Variants in FSIP2 observed in about 807,000 individuals in gnomAD.
FSIP2 encodes the protein fibrous sheath-interacting protein 2.
Under a neutral mutation model 510.5 loss-of-function variants are expected in FSIP2, and 367 were observed. The observed-to-expected ratio is 0.72, with a 90% CI of 0.66 to 0.78. The LOEUF (loss-of-function observed/expected upper bound fraction) is 0.78, where lower values mean the gene tolerates loss of function less well. FSIP2 is among the 30% of genes least tolerant of loss of function. The pLI, the probability that FSIP2 is intolerant of heterozygous loss-of-function variation, is 0.00. For synonymous variants in FSIP2, 2,601 were observed against 2,732.2 expected, an observed-to-expected ratio of 0.95 and a Z score of 1.50; for missense variants, 7,594 against 7,901.7, an observed-to-expected ratio of 0.96 and a Z score of 1.48.
At chr2:185,814,362 T>G (rs1051628116) in intron 18 of FSIP2, among the ~76,000 whole-genome samples, 3 of 152,050 alleles carry the variant, frequency 2.0e-5, no homozygotes, top group African/African-American at 7.2e-5. Flanking sequence ...AAACACTCAT[T>G]GAACATTTTG....
At position 185,764,537 on chromosome 2, in the gene FSIP2, C is replaced by G; in HGVS notation, c.1383C>G (p.Thr461=). Residue 461 remains threonine (T), a synonymous_variant, in exon 13 of 23, where the codon ACC becomes ACG. Transcript: ENST00000424728. The part of the protein sequence containing the change: ...ETNADWDGRP[T]KRSSYLCESG... Reference sequence around the variant, plus strand: ...ATGCTGATTGGGATGGAAGACCAACCAAGAGATCAAGCTATCTCTGCGAAT... The same window carrying G: ...ATGCTGATTGGGATGGAAGACCAACGAAGAGATCAAGCTATCTCTGCGAAT... The G allele has an allele frequency of 3.9e-6, 6 of 1,530,248 alleles. No homozygotes were observed. The highest frequency in any genetic ancestry group is 5.3e-6 in the Non-Finnish European group (6 of 1,142,724). 94.8% of individuals were successfully genotyped at this position (1,530,248 alleles called of 1,614,324 possible). A position where few individuals can be genotyped will look rare whatever the true frequency, so the allele number is the denominator to read the frequency against.
intron 13 of FSIP2, among the ~76,000 whole-genome samples, chr2:185,780,384 C>T (rs1298856998): frequency 1.3e-5 from 2 of 151,630 alleles, no homozygotes; most frequent in South Asian, 4.2e-4. Context: ...CAAATATGTT[C>T]TCTAGTTCGC....
chr2:185,761,062 G>C lies in FSIP2; in HGVS notation c.1153G>C (p.Val385Leu), dbSNP rs1272995111. The part of the protein sequence containing the change: ...NFTKKNSASV[V>L]YQADVQDNGI... ...TACGAAAAAAAACTCAGCTTCTGTT[G>C]TTTATCAGGCAGATGTACAGGATAA... is the stretch of plus-strand genomic sequence containing the variant. Residue 385 changes from valine (V) to leucine (L), a missense_variant, in exon 10 of 23, where the codon GTT becomes CTT. Physicochemically the swap from Val to Leu is conservative, Grantham distance 32. Transcript: ENST00000424728. The C allele has an allele frequency of 2.0e-6, 3 of 1,492,376 alleles. No individual in the cohort carries two copies. The highest frequency in any genetic ancestry group is 4.0e-5 in the Admixed American group (2 of 49,980). 92.4% of individuals were successfully genotyped at this position (1,492,376 alleles called of 1,614,324 possible).
In FSIP2 at chr2:185,804,231, T is replaced by C. The variant is rs976411605; in HGVS notation, c.14925T>C (p.Asp4975=). ...SHNMLVTENP[D]RVKLKLTRIV... is the part of the protein sequence containing the mutation. ...ACATGTTGGTTACTGAAAATCCAGA[T>C]AGAGTGAAACTGAAACTTACCAGGA... is the stretch of plus-strand genomic sequence containing the variant. The change falls in exon 17 of 23, where the codon GAT becomes GAC. Residue 4975 remains aspartate (D), a synonymous_variant. Coordinates refer to ENST00000424728, the MANE Select transcript of FSIP2 (RefSeq NM_173651.4). 2.2e-5 allele frequency: 34 copies of C among 1,526,340 alleles called. No homozygotes were observed. The highest frequency in any genetic ancestry group is 2.6e-5 in the Non-Finnish European group (30 of 1,142,554). 94.5% of individuals were successfully genotyped at this position (1,526,340 alleles called of 1,614,324 possible). A position where few individuals can be genotyped will look rare whatever the true frequency, so the allele number is the denominator to read the frequency against.
chr2:185,744,268 A>C, intron 3 of FSIP2, 54 bp from the exon 4 acceptor site: 2 of 335,890 alleles, frequency 6.0e-6, no homozygotes, highest in Non-Finnish European at 5.1e-6. Context: ...TTTATATAAT[A>C]TTAACATATC....
chr2:185,813,367 T>G (rs1693772991), intron 17 of FSIP2, among the ~76,000 whole-genome samples, 178 bp from the exon 18 acceptor site: 1 of 152,012 alleles, frequency 6.6e-6, no homozygotes, highest in Non-Finnish European at 1.5e-5. Flanking sequence ...CCAACAAATT[T>G]TTTTTGTTAT....
chr2:185,743,078 ATTAT>A, intron 2 of FSIP2, 51 bp from the exon 3 acceptor site: 2 of 1,106,238 alleles, frequency 1.8e-6, no homozygotes, highest in East Asian at 5.9e-5. Context: ...ATTTTGATAG[ATTAT>A]TTAAAGTGAA....
rs748578763 is a variant in FSIP2 at position 185,807,288 on chromosome 2, C to T, written c.17982C>T (p.Ala5994=). The T allele has an allele frequency of 1.9e-6, 3 of 1,612,678 alleles. No homozygotes were observed. The highest frequency in any genetic ancestry group is 2.5e-6 in the Non-Finnish European group (3 of 1,179,176). ...AGGTCCAAAAGTTGGCCCAAACAGC[C>T]AGCAAAGAATGTCAAACTTCATCAC... The part of the protein sequence containing the change: ...VKKVQKLAQT[A]SKECQTSSPY... The change falls in exon 17 of 23, where the codon GCC becomes GCT. Residue 5994 remains alanine, a synonymous_variant. Coordinates refer to ENST00000424728, the MANE Select transcript of FSIP2 (RefSeq NM_173651.4).
chr2:185,821,009 T>A (rs1693906214), intron 19 of FSIP2, among the ~76,000 whole-genome samples: 1 of 74,962 alleles, frequency 1.3e-5, no homozygotes, highest in Admixed American at 1.6e-4. Flanking sequence ...GTTGGTTCGT[T>A]AAAAAAAAAA....
At chr2:185,828,030 CT>C in intron 20 of FSIP2, 125 bp from the exon 21 acceptor site, 1 of 579,166 alleles carries the variant, frequency 1.7e-6, no homozygotes, top group South Asian at 2.4e-5. Flanking sequence ...AAAATAACAA[CT>C]TCTTCGACCT....
At position 185,746,794 on chromosome 2, in the gene FSIP2, G is replaced by T. The variant is rs552474258; in HGVS notation, c.743G>T (p.Arg248Leu). The T allele has an allele frequency of 8.4e-4, 1,280 of 1,515,356 alleles. 1 individual carries two copies. The highest frequency in any genetic ancestry group is 1.0e-3 in the Non-Finnish European group (1,186 of 1,139,790). 93.9% of individuals were successfully genotyped at this position (1,515,356 alleles called of 1,614,324 possible). ...REHTRRKLTL[R>L]RKIEEEWKTK... ...CACACAAGAAGAAAACTTACTCTTC[G>T]TAGAAAAATAGAAGAGGTGAGAGAC... Residue 248 changes from arginine to leucine, a missense_variant, in exon 6 of 23, where the codon CGT becomes CTT. By Grantham distance (102) the Arg-to-Leu change is moderately radical. Coordinates refer to ENST00000424728, the MANE Select transcript of FSIP2 (RefSeq NM_173651.4).
In FSIP2 at chr2:185,782,763, G is replaced by A; in HGVS notation, c.1469+1G>A. 2 of 1,420,078 alleles carry A rather than the reference G, an allele frequency of 1.4e-6. No individual in the cohort carries two copies. Among genetic ancestry groups the A allele is most frequent in the Non-Finnish European group, 9.6e-7 (1 of 1,041,284 alleles). The allele number at this position is 1,420,078 out of a possible 1,614,324, so 88.0% of individuals were successfully genotyped here. ...TTTCTTCTCCTGTTTACACAAATAT[G>A]TAAGTACCTAAGGAATTATATATAA... On this transcript the variant is annotated splice_donor_variant, in intron 14 of 22. Coordinates refer to ENST00000424728, the MANE Select transcript of FSIP2 (RefSeq NM_173651.4). LOFTEE classifies it high-confidence loss of function.
In FSIP2 at chr2:185,812,655, C is replaced by T. The variant is rs146052783; in HGVS notation, c.19828-890C>T. On this transcript the variant is annotated intron_variant, in intron 17 of 22. Coordinates refer to ENST00000424728, the MANE Select transcript of FSIP2 (RefSeq NM_173651.4). ...CACACTAGACATATGCATACTAAAA[C>T]CACTGGTAGTAACATATCCCAAAAT... Among the ~76,000 whole-genome samples the T allele has an allele frequency of 5.8e-3, 880 of 152,158 alleles. 4 individuals carry two copies. The highest frequency in any genetic ancestry group is 8.9e-3 in the Non-Finnish European group (606 of 67,970).
At position 185,764,559 on chromosome 2, in the gene FSIP2, G is replaced by A. The variant is rs911042698; in HGVS notation, c.1405G>A (p.Glu469Lys). ...RPTKRSSYLC[E>K]SGPQAHATDP... ...AACCAAGAGATCAAGCTATCTCTGC[G>A]AATCAGGTAAATATCAGCAGTAATT... is the stretch of plus-strand genomic sequence containing the variant. The change falls in exon 13 of 23, where the codon GAA (glutamate) becomes AAA (lysine). Residue 469 changes from glutamate (E) to lysine (K), a missense_variant. Physicochemically the swap from Glu to Lys is moderately conservative, Grantham distance 56. Coordinates refer to ENST00000424728, the MANE Select transcript of FSIP2 (RefSeq NM_173651.4). The A allele has an allele frequency of 2.4e-5, 37 of 1,520,604 alleles. No homozygotes were observed. In the Admixed American group the frequency reaches 2.8e-4, roughly 11 times the overall value. 94.2% of individuals were successfully genotyped at this position (1,520,604 alleles called of 1,614,324 possible). A position where few individuals can be genotyped will look rare whatever the true frequency, so the allele number is the denominator to read the frequency against.
At chr2:185,782,059 A>C (rs1208166143) in intron 13 of FSIP2, among the ~76,000 whole-genome samples, 1 of 152,156 alleles carries the variant, frequency 6.6e-6, no homozygotes, top group Non-Finnish European at 1.5e-5. Flanking sequence ...GATGGTCTCG[A>C]TCTCCTGACC....
rs16827127 is a variant in FSIP2 at position 185,789,748 on chromosome 2, A to C, written c.2612A>C (p.Asn871Thr). ...ATGTTCCTTCAAAGAGCTGGCAAAA[A>C]TAAATCTAGTCTTGAATCTGATGAA... ...ICMFLQRAGK[N>T]KSSLESDEAS... Residue 871 changes from asparagine to threonine, a missense_variant, in exon 16 of 23, where the codon AAT (asparagine) becomes ACT (threonine). Physicochemically the swap from Asn to Thr is moderately conservative, Grantham distance 65 (BLOSUM62 0). Transcript: ENST00000424728. 6.5e-7 allele frequency: 1 copy of C among 1,534,420 alleles called. No homozygotes were observed. Among genetic ancestry groups the C allele is most frequent in the Admixed American group, 2.0e-5 (1 of 50,848 alleles).
chr2:185,745,322 C>A, intron 4 of FSIP2, 107 bp from the exon 5 acceptor site: 1 of 625,214 alleles, frequency 1.6e-6, no homozygotes, highest in Non-Finnish European at 2.4e-6. Flanking sequence ...GATGTAAATG[C>A]AATTAAACAG....
chr2:185,792,184 TCA>T lies in FSIP2; in HGVS notation c.5049_5050del (p.Lys1684ValfsTer12). On this transcript the variant is annotated frameshift_variant, in exon 16 of 23. Transcript: ENST00000424728. LOFTEE classifies it high-confidence loss of function. ...GAGACTCAAATACTTAAGTATGTAG[TCA>T]AGTTAATTTTAGATGCAGTATCTTC... 1 of 1,531,848 alleles carries T rather than the reference TCA, an allele frequency of 6.5e-7. No individual in the cohort carries two copies. The highest frequency in any genetic ancestry group is 1.7e-4 in the Middle Eastern group (1 of 5,962). 94.9% of individuals were successfully genotyped at this position (1,531,848 alleles called of 1,614,324 possible). A position where few individuals can be genotyped will look rare whatever the true frequency, so the allele number is the denominator to read the frequency against.
chr2:185,740,868 A>G (rs1475101784), intron 2 of FSIP2, among the ~76,000 whole-genome samples: 3 of 152,170 alleles, frequency 2.0e-5, no homozygotes, highest in Non-Finnish European at 4.4e-5. Context: ...CACACTGAAG[A>G]TTAGGATTGC....
Sources: allele counts gnomAD v4.1 joint callset (sites outside exome capture counted in the v4.1 genomes callset), GRCh38; gene constraint gnomAD v4.1.1; transcripts MANE v1.5; gene names NCBI Gene and HGNC (gene_info 2026-07-23, HGNC 2026-07-21).